Variants in INPP5D observed in about 807,000 individuals in gnomAD.
The protein encoded by INPP5D is phosphatidylinositol 3,4,5-trisphosphate 5-phosphatase 1.
INPP5D carries 33 observed loss-of-function variants against 122.9 expected under a neutral mutation model. That is an observed-to-expected ratio of 0.27 (90% confidence interval 0.20 to 0.36). INPP5D has a LOEUF of 0.36. Ranked by LOEUF, INPP5D falls within the 10% of genes least tolerant of loss-of-function variation. The pLI, the probability that INPP5D is intolerant of heterozygous loss-of-function variation, is 1.00. For synonymous variants in INPP5D, 584 were observed against 576.2 expected, an observed-to-expected ratio of 1.01 and a Z score of -0.19; for missense variants, 1,053 against 1,412.7, an observed-to-expected ratio of 0.75 and a Z score of 4.08.
chr2:233,124,025 A>G (rs1228535458), intron 3 of INPP5D, among the ~76,000 whole-genome samples: 2 of 152,190 alleles, frequency 1.3e-5, no homozygotes, highest in Non-Finnish European at 2.9e-5. Flanking sequence ...TAATACCAGG[A>G]TGATGAAATA....
At position 233,164,467 on chromosome 2, in the gene INPP5D, C is replaced by G; in HGVS notation, c.1555+43C>G. The G allele has an allele frequency of 6.6e-7, 1 of 1,508,032 alleles. No homozygotes were observed. The highest frequency in any genetic ancestry group is 8.9e-7 in the Non-Finnish European group (1 of 1,119,902). 93.4% of individuals were successfully genotyped at this position (1,508,032 alleles called of 1,614,324 possible). A position where few individuals can be genotyped will look rare whatever the true frequency, so the allele number is the denominator to read the frequency against. ...CCTGTGTTCCTCCCACACCCTCTGC[C>G]TCAACTCTCGCGACCACATCATCCT... On this transcript the variant is annotated intron_variant, in intron 13 of 26. Transcript: ENST00000445964. The surrounding 1 kb of genome is among the most constrained non-coding windows in gnomAD (Gnocchi z 4.3).
At chr2:233,070,194 T>C (rs899604103) in intron 1 of INPP5D, among the ~76,000 whole-genome samples, 3 of 152,218 alleles carry the variant, frequency 2.0e-5, no homozygotes, top group Non-Finnish European at 4.4e-5. Flanking sequence ...CTTGCACAAG[T>C]TTATATCACA....
intron 9 of INPP5D, among the ~76,000 whole-genome samples, chr2:233,153,130 G>A (rs1244951654): frequency 6.6e-6 from 1 of 152,226 alleles, no homozygotes; most frequent in Non-Finnish European, 1.5e-5. Flanking sequence ...CTGGGCGTGG[G>A]GAAGGTGGGG....
chr2:233,060,395 G>A lies in INPP5D; in HGVS notation c.-84G>A. The A allele has an allele frequency of 6.9e-7, 1 of 1,445,424 alleles. No homozygotes were observed. The highest frequency in any genetic ancestry group is 2.5e-5 in the Admixed American group (1 of 40,168). The allele number at this position is 1,445,424 out of a possible 1,614,324, so 89.5% of individuals were successfully genotyped here. On this transcript the variant is annotated 5_prime_UTR_variant, in exon 1 of 27. Transcript: ENST00000445964. The stretch of plus-strand genomic sequence containing the variant: ...ACCAAGAGGCAACGGGCGGCAGGTT[G>A]CAGTGGAGGGGCCTCCGCTCCCCTC...
Position 233,170,122 on chromosome 2 carries a change from C to G in INPP5D, c.1749C>G (p.Phe583Leu). 3 of 1,614,056 alleles carry G rather than the reference C, an allele frequency of 1.9e-6. No homozygotes were observed. Among genetic ancestry groups the G allele is most frequent in the Non-Finnish European group, 2.5e-6 (3 of 1,179,910 alleles). Residue 583 changes from phenylalanine (F) to leucine (L), a missense_variant, in exon 15 of 27, where the codon TTC becomes TTG. Physicochemically the swap from Phe to Leu is conservative, Grantham distance 22. This residue lies in a region of INPP5D where 258 missense variants were observed against 439.1 expected (regional missense o/e 0.59). Coordinates refer to ENST00000445964, the MANE Select transcript of INPP5D (RefSeq NM_001017915.3). This position sits in a 1 kb window ranked among gnomAD's most constrained non-coding sequence, Gnocchi z 4.5. ...FNITHRFTHLFWFGDLNYRVD... is the reference protein window; with the variant it reads ...FNITHRFTHLLWFGDLNYRVD... ...TCACTCACCGCTTCACGCACCTCTTCTGGTTTGGGGATCTTAACTACCGTG... is the reference window on the plus strand; with the variant it reads ...TCACTCACCGCTTCACGCACCTCTTGTGGTTTGGGGATCTTAACTACCGTG...
rs76315788 is a variant in INPP5D at position 233,109,346 on chromosome 2, G to C, written c.199-12761G>C. ...TGCACTCACCACAGTGCTTGTCCTG[G>C]GCTGCTGCAGTCACCTCACCCTCGT... On this transcript the variant is annotated intron_variant, in intron 2 of 26. Transcript: ENST00000445964. Among the ~76,000 whole-genome samples, 700 of 152,286 alleles carry C rather than the reference G, an allele frequency of 4.6e-3. 10 individuals carry two copies. The highest frequency in any genetic ancestry group is 0.016 in the African/African-American group (654 of 41,572).
chr2:233,071,169 G>A (rs1442452371), intron 1 of INPP5D, among the ~76,000 whole-genome samples: 1 of 152,046 alleles, frequency 6.6e-6, no homozygotes, highest in Non-Finnish European at 1.5e-5. Context: ...TGTGCCTATA[G>A]TTCCAGCTAC....
Position 233,122,110 on chromosome 2 carries a change from T to C in INPP5D, c.202T>C (p.Ser68Pro), listed in dbSNP as rs1177545776. The change falls in exon 3 of 27, where the codon TCC (serine) becomes CCC (proline). Residue 68 changes from serine to proline, a missense_variant. By Grantham distance (74) the Ser-to-Pro change is moderately conservative (BLOSUM62 -1). Coordinates refer to ENST00000445964, the MANE Select transcript of INPP5D (RefSeq NM_001017915.3). The stretch of plus-strand genomic sequence containing the variant: ...TGTTTGGATGTTCTGTCCTCAGGCA[T>C]CCGAAGGCGTCTCCATGAGGTTCTT... ...NEDDKFTVQA[S>P]EGVSMRFFTK... 5.0e-6 allele frequency: 8 copies of C among 1,613,910 alleles called. No individual in the cohort carries two copies. Among genetic ancestry groups the C allele is most frequent in the Non-Finnish European group, 6.8e-6 (8 of 1,179,840 alleles).
At chr2:233,185,786 T>C in intron 20 of INPP5D, 57 bp from the exon 21 acceptor site, 1 of 1,507,268 alleles carries the variant, frequency 6.6e-7, no homozygotes, top group Non-Finnish European at 8.9e-7. Context: ...CCAGGGAGTC[T>C]TTTCTGTCTG....
chr2:233,098,044 C>A (rs1692196579), intron 2 of INPP5D, among the ~76,000 whole-genome samples: 1 of 152,074 alleles, frequency 6.6e-6, no homozygotes, highest in African/African-American at 2.4e-5. Context: ...CGCCACCATG[C>A]CTGGCTAAAT....
intron 9 of INPP5D, among the ~76,000 whole-genome samples, chr2:233,150,362 C>T (rs1693890765): frequency 1.3e-5 from 2 of 152,326 alleles, no homozygotes; most frequent in South Asian, 2.1e-4. Context: ...CGTGACTTTG[C>T]TCCTCCTTTG....
Position 233,183,807 on chromosome 2 carries a change from A to T in INPP5D, c.2162-601A>T, listed in dbSNP as rs773263648. 6.6e-6 allele frequency among the ~76,000 whole-genome samples: 1 copy of T among 152,240 alleles called. No homozygotes were observed. The highest frequency in any genetic ancestry group is 1.5e-5 in the Non-Finnish European group (1 of 68,036). On this transcript the variant is annotated intron_variant, in intron 19 of 26. Transcript: ENST00000445964. This position sits in a 1 kb window ranked among gnomAD's most constrained non-coding sequence, Gnocchi z 4.6. ...GGATGGAGGAAGGAAAGGTTTGTTC[A>T]TGGTCTCCGAACAAGTCTCTGTTCT...
rs1194481492 is a variant in INPP5D at position 233,143,822 on chromosome 2, G to C, written c.754-2340G>C. On this transcript the variant is annotated intron_variant, in intron 6 of 26. Transcript: ENST00000445964. ...GCTGGTAGGAGTGGAGATGGTGGTG[G>C]TGATGGTGATGGTGATGGTAGAGGT... 2.6e-5 allele frequency among the ~76,000 whole-genome samples: 4 copies of C among 152,154 alleles called. No individual in the cohort carries two copies. In the East Asian group the frequency reaches 5.8e-4, roughly 22 times the overall value.
At chr2:233,134,085 C>A (rs1693405040) in intron 5 of INPP5D, 1 of 449,066 alleles carries the variant, frequency 2.2e-6, no homozygotes, top group South Asian at 1.6e-5. Context: ...TCTAGGGTGA[C>A]CCCTGGGTTC....
In INPP5D at chr2:233,175,217, C is replaced by CAAAAA. The variant is rs1220185296; in HGVS notation, c.1990-2029_1990-2025dup. On this transcript the variant is annotated intron_variant, in intron 17 of 26. Coordinates refer to ENST00000445964, the MANE Select transcript of INPP5D (RefSeq NM_001017915.3). ...TCAGCAACAGGGCGAGACTCCATCT[C>CAAAAA]AAAAAAAAAAAAAAAAAAAAAAATG... 1.4e-3 allele frequency among the ~76,000 whole-genome samples: 95 copies of CAAAAA among 68,378 alleles called. 2 individuals are homozygous for CAAAAA. The highest frequency in any genetic ancestry group is 1.8e-3 in the Non-Finnish European group (71 of 39,504). 44.9% of individuals were successfully genotyped at this position (68,378 alleles called of 152,430 possible).
chr2:233,062,651 G>A (rs1051377333), intron 1 of INPP5D, among the ~76,000 whole-genome samples: 2 of 152,178 alleles, frequency 1.3e-5, no homozygotes, highest in Admixed American at 1.3e-4. Context: ...AGCCTCGTCA[G>A]CCTCCTATCC....
At chr2:233,113,089 C>G (rs1692675347) in intron 2 of INPP5D, among the ~76,000 whole-genome samples, 1 of 152,164 alleles carries the variant, frequency 6.6e-6, no homozygotes, top group Admixed American at 6.5e-5. Context: ...AGAAGCCTGG[C>G]TCCTGCTTCT....
At chr2:233,202,089 G>A (rs766496466) in intron 25 of INPP5D, among the ~76,000 whole-genome samples, 12 of 151,862 alleles carry the variant, frequency 7.9e-5, no homozygotes, top group Non-Finnish European at 1.5e-5. Flanking sequence ...AGAGGAGTGA[G>A]CTTTAGAATC....
chr2:233,061,189 C>G (rs1023145202), intron 1 of INPP5D, among the ~76,000 whole-genome samples: 1 of 152,048 alleles, frequency 6.6e-6, no homozygotes, highest in African/African-American at 2.4e-5. Flanking sequence ...AGCCTCTTCT[C>G]TCTCCTGAGC....
Sources: gnomAD v4.1 joint callset for allele counts (sites outside exome capture counted in the v4.1 genomes callset) on GRCh38, gnomAD v4.1.1 for gene constraint, gnomAD v4.1.1 regional missense constraint, Gnocchi (gnomAD v3.1) non-coding constraint, MANE v1.5 for transcripts, NCBI Gene and HGNC (gene_info 2026-07-23, HGNC 2026-07-21) for gene names.